COP1: variants seen among roughly 807,000 people sequenced by gnomAD.
The protein encoded by COP1 is COP1 E3 ubiquitin ligase.
Under a neutral mutation model 101.3 loss-of-function variants are expected in COP1, and 24 were observed. That is an observed-to-expected ratio of 0.24 (90% CI 0.17 to 0.33). The LOEUF (loss-of-function observed/expected upper bound fraction) is 0.33. Among genes scored for constraint, COP1 ranks in the 10% least tolerant of loss-of-function variants. The pLI is 1.00. For missense variants in COP1, 663 were observed against 906.2 expected (o/e 0.73, Z 3.45); for synonymous variants, 347 against 341.9 (o/e 1.01, Z -0.17).
chr1:176,175,939 T>C lies in COP1; in HGVS notation c.536A>G (p.Asn179Ser), dbSNP rs770721170. 3.8e-6 allele frequency: 6 copies of C among 1,581,310 alleles called. No individual in the cohort carries two copies. The highest frequency in any genetic ancestry group is 5.2e-6 in the Non-Finnish European group (6 of 1,152,760). Residue 179 changes from asparagine to serine, a missense_variant, in exon 3 of 20, where the codon AAT becomes AGT. Coordinates refer to ENST00000367669, the MANE Select transcript of COP1 (RefSeq NM_022457.7). ...GAAATTAGGATACAGATGGTCAATA[T>C]TGTCCACAACATAGTTACACTTGGG... is the stretch of plus-strand genomic sequence containing the variant. Reference protein sequence around the residue: ...RCPKCNYVVDNIDHLYPNFLV... With the variant: ...RCPKCNYVVDSIDHLYPNFLV...
At chr1:176,126,458 T>A (rs1688004798) in intron 8 of COP1, among the ~76,000 whole-genome samples, 1 of 152,188 alleles carries the variant, frequency 6.6e-6, no homozygotes, top group African/African-American at 2.4e-5. Context: ...TCACTTCTTT[T>A]TTCTTTTCTT....
chr1:175,987,829 T>C (rs549061585), intron 17 of COP1, among the ~76,000 whole-genome samples: 1 of 152,306 alleles, frequency 6.6e-6, no homozygotes, highest in South Asian at 2.1e-4. Flanking sequence ...TAAATTTGTA[T>C]AAATTATCAA....
intron 19 of COP1, 96 bp from the exon 20 acceptor site, chr1:175,945,266 A>T: frequency 2.2e-6 from 2 of 903,716 alleles, no homozygotes; most frequent in Non-Finnish European, 3.3e-6. Context: ...AGAAAAGCAA[A>T]TTTAAAAAAC....
chr1:176,171,483 A>G (rs544701923), intron 3 of COP1, among the ~76,000 whole-genome samples: 18 of 152,332 alleles, frequency 1.2e-4, no homozygotes, highest in Non-Finnish European at 2.4e-4. Flanking sequence ...ATCAGCAATA[A>G]GCGATTTTGC....
intron 15 of COP1, among the ~76,000 whole-genome samples, chr1:176,013,967 C>T (rs1398316669): frequency 2.6e-5 from 4 of 152,052 alleles, no homozygotes; most frequent in Non-Finnish European, 4.4e-5. Context: ...AGAGTTCATT[C>T]CAATAAGTGC....
At position 175,999,357 on chromosome 1, in the gene COP1, C is replaced by T. The variant is rs143455677; in HGVS notation, c.1730-9878G>A. Among the ~76,000 whole-genome samples, 407 of 152,046 alleles carry T rather than the reference C, an allele frequency of 2.7e-3. 3 individuals carry two copies. Among genetic ancestry groups the T allele is most frequent in the African/African-American group, 9.2e-3 (383 of 41,502 alleles). On this transcript the variant is annotated intron_variant, in intron 15 of 19. Transcript: ENST00000367669. ...CCCACAAATAAGTGAGAATCCGTGA[C>T]GTTTGTCTTTCTATGCCAGGCTTAT...
At position 176,089,328 on chromosome 1, in the gene COP1, AT is replaced by A. The variant is rs1364265339; in HGVS notation, c.1027-3439del. The stretch of plus-strand genomic sequence containing the variant: ...AACAACAACAACAACAACAACAACA[AT>A]CTATTTAATACTGATTATCAGATTA... On this transcript the variant is annotated intron_variant, in intron 9 of 19. Transcript: ENST00000367669. Among the ~76,000 whole-genome samples the A allele has an allele frequency of 2.1e-3, 313 of 151,664 alleles. 4 individuals carry two copies. Among genetic ancestry groups the A allele is most frequent in the Non-Finnish European group, 2.3e-3 (158 of 67,886 alleles).
intron 15 of COP1, among the ~76,000 whole-genome samples, chr1:176,025,262 A>G (rs917548654): frequency 1.3e-5 from 2 of 152,168 alleles, no homozygotes; most frequent in Admixed American, 1.3e-4. Context: ...TATCACTAGT[A>G]TAACTCTGCC....
chr1:175,982,985 T>C (rs1017159045), intron 18 of COP1, among the ~76,000 whole-genome samples: 2 of 152,150 alleles, frequency 1.3e-5, no homozygotes, highest in Non-Finnish European at 2.9e-5. Context: ...CTGTAGTTAA[T>C]AATAATGTAG....
At position 176,144,732 on chromosome 1, in the gene COP1, G is replaced by A. The variant is rs367761122; in HGVS notation, c.831+4274C>T. Among the ~76,000 whole-genome samples the A allele has an allele frequency of 5.7e-4, 87 of 152,076 alleles. No individual in the cohort carries two copies. In the South Asian group the frequency reaches 0.017, roughly 30 times the overall value. Reference sequence around the variant, plus strand: ...CCTAGAAACAGACCCACACATACATGGACACATGATATATGACAAAGGTGA... The same window carrying A: ...CCTAGAAACAGACCCACACATACATAGACACATGATATATGACAAAGGTGA... On this transcript the variant is annotated intron_variant, in intron 6 of 19. Coordinates refer to ENST00000367669, the MANE Select transcript of COP1 (RefSeq NM_022457.7).
In COP1 at chr1:176,042,872, T is replaced by C. The variant is rs992629489; in HGVS notation, c.1612+314A>G. On this transcript the variant is annotated intron_variant, in intron 14 of 19. Coordinates refer to ENST00000367669, the MANE Select transcript of COP1 (RefSeq NM_022457.7). ...GTTGAAACCCCATCTCTACCAAAAA[T>C]ATAAAAATTAGCCAGGCATGGTGGC... Among the ~76,000 whole-genome samples, 3 of 147,502 alleles carry C rather than the reference T, an allele frequency of 2.0e-5. No individual in the cohort carries two copies. The Admixed American group carries it at 2.0e-4, about 10-fold the overall frequency.
At chr1:176,139,296 A>C (rs1430617501) in intron 6 of COP1, among the ~76,000 whole-genome samples, 5 of 145,106 alleles carry the variant, frequency 3.4e-5, no homozygotes, top group African/African-American at 9.8e-5. Context: ...AACAAAAAAA[A>C]AAAACAAAAA....
chr1:176,085,695 T>C (rs1320330497), intron 10 of COP1, 81 bp downstream of exon 10: 2 of 752,108 alleles, frequency 2.7e-6, no homozygotes, highest in Non-Finnish European at 4.3e-6. Context: ...CAATTAGGAC[T>C]TTCCATAAAT....
At chr1:176,132,162 G>A (rs754494031) in intron 8 of COP1, among the ~76,000 whole-genome samples, 1 of 151,508 alleles carries the variant, frequency 6.6e-6, no homozygotes, top group African/African-American at 2.4e-5. Flanking sequence ...AATGTCAAGG[G>A]GTTGAGAGGG....
chr1:176,097,557 C>CT (rs200919116), intron 9 of COP1, among the ~76,000 whole-genome samples: 5 of 151,734 alleles, frequency 3.3e-5, no homozygotes, highest in Non-Finnish European at 1.5e-5. Flanking sequence ...TAAAAAAGCT[C>CT]TTTTTTTTAT....
At chr1:176,167,898 A>C (rs1449050793) in intron 3 of COP1, among the ~76,000 whole-genome samples, 1 of 152,138 alleles carries the variant, frequency 6.6e-6, no homozygotes, top group Admixed American at 6.5e-5. Context: ...GATTGACTTC[A>C]TGTACATACA....
At chr1:176,128,072 T>C (rs1477058770) in intron 8 of COP1, among the ~76,000 whole-genome samples, 2 of 152,104 alleles carry the variant, frequency 1.3e-5, no homozygotes, top group Non-Finnish European at 2.9e-5. Flanking sequence ...ATTTTAAAAA[T>C]AGGGGTGTTT....
intron 12 of COP1, among the ~76,000 whole-genome samples, chr1:176,044,682 T>C (rs755862598): frequency 4.6e-5 from 7 of 152,220 alleles, no homozygotes; most frequent in African/African-American, 1.2e-4. Context: ...CTGTTACTTA[T>C]TAGCTGTGGC....
intron 9 of COP1, among the ~76,000 whole-genome samples, chr1:176,099,538 T>TCTCTCC (rs1180845674): frequency 2.9e-4 from 37 of 127,852 alleles, no homozygotes; most frequent in African/African-American, 1.0e-3. Context: ...TCTCTCTCTC[T>TCTCTCC]CTCCCTGGCT....
Sources: allele counts gnomAD v4.1 joint callset (sites outside exome capture counted in the v4.1 genomes callset), GRCh38; gene constraint gnomAD v4.1.1; transcripts MANE v1.5; gene names NCBI Gene and HGNC (gene_info 2026-07-23, HGNC 2026-07-21).